KCNH8: variants seen among roughly 807,000 people sequenced by gnomAD.
KCNH8 encodes the protein potassium voltage-gated channel subfamily H member 8, also known as voltage-gated delayed rectifier potassium channel KCNH8.
A neutral mutation model predicts 103.6 loss-of-function variants in KCNH8; 70 were observed. The observed-to-expected ratio is 0.68, with a 90% CI of 0.56 to 0.82. KCNH8 has a LOEUF of 0.82. Among genes scored for constraint, KCNH8 ranks in the 40% least tolerant of loss-of-function variants. KCNH8 has a pLI of 0.00. For missense variants in KCNH8, 1,217 were observed against 1,329.9 expected (o/e 0.92, Z 1.32); for synonymous variants, 498 against 489.4 (o/e 1.02, Z -0.23).
intron 7 of KCNH8, among the ~76,000 whole-genome samples, chr3:19,405,633 C>G (rs1899394): frequency 0.19 from 28,277 of 151,684 alleles, 3,026 homozygotes; most frequent in East Asian, 0.33. Context: ...TGATATACCA[C>G]AGAACTTTAT....
chr3:19,181,142 T>C (rs1179160660), intron 1 of KCNH8, among the ~76,000 whole-genome samples: 1 of 152,182 alleles, frequency 6.6e-6, no homozygotes, highest in South Asian at 2.1e-4. Flanking sequence ...TTTTTAGTCA[T>C]ACTGATACTG....
At chr3:19,228,287 G>A (rs74845448) in intron 1 of KCNH8, among the ~76,000 whole-genome samples, 1 of 152,076 alleles carries the variant, frequency 6.6e-6, no homozygotes, top group Non-Finnish European at 1.5e-5. Context: ...GAGTATTTGT[G>A]ACAGACTATA....
chr3:19,361,385 A>G (rs961516765), intron 5 of KCNH8, among the ~76,000 whole-genome samples: 2 of 152,148 alleles, frequency 1.3e-5, no homozygotes, highest in Non-Finnish European at 2.9e-5. Context: ...AGGCCAGAAC[A>G]TCTCACGTCC....
At chr3:19,289,834 G>T (rs2064891878) in intron 3 of KCNH8, among the ~76,000 whole-genome samples, 1 of 152,050 alleles carries the variant, frequency 6.6e-6, no homozygotes, top group East Asian at 1.9e-4. Flanking sequence ...AATTACCTTG[G>T]GCAGTATGGC....
chr3:19,260,191 A>T (rs1362463977), intron 2 of KCNH8, among the ~76,000 whole-genome samples: 1 of 151,638 alleles, frequency 6.6e-6, no homozygotes, highest in East Asian at 1.9e-4. Flanking sequence ...ATATGTACAT[A>T]TTCAAATGTA....
chr3:19,510,330 T>C (rs1382524765), intron 11 of KCNH8, 33 bp from the exon 12 acceptor site: 2 of 1,388,128 alleles, frequency 1.4e-6, no homozygotes, highest in South Asian at 1.2e-5. Context: ...CCAGGATATG[T>C]AAAATGATTA....
At chr3:19,531,618 G>C (rs1388545231) in intron 15 of KCNH8, among the ~76,000 whole-genome samples, 1 of 152,150 alleles carries the variant, frequency 6.6e-6, no homozygotes, top group Non-Finnish European at 1.5e-5. Flanking sequence ...CCAAACCATG[G>C]AAAAACCTCC....
chr3:19,261,775 A>T (rs1052261767), intron 2 of KCNH8, among the ~76,000 whole-genome samples: 1 of 151,420 alleles, frequency 6.6e-6, no homozygotes, highest in Non-Finnish European at 1.5e-5. Flanking sequence ...TTTCAGTTGA[A>T]TTTTGTGTAT....
At position 19,214,436 on chromosome 3, in the gene KCNH8, G is replaced by T. The variant is rs528405935; in HGVS notation, c.77-39218G>T. Among the ~76,000 whole-genome samples, 5 of 152,224 alleles carry T rather than the reference G, an allele frequency of 3.3e-5. No individual in the cohort carries two copies. The South Asian group carries it at 1.0e-3, about 32-fold the overall frequency. ...TAGTGGGTGCTGCCTAGCTCAGGAG[G>T]TTAGCCACCTTTTCCTCCTCTCCCA... On this transcript the variant is annotated intron_variant, in intron 1 of 15. Coordinates refer to ENST00000328405, the MANE Select transcript of KCNH8 (RefSeq NM_144633.3).
chr3:19,236,417 A>C (rs1452706259), intron 1 of KCNH8, among the ~76,000 whole-genome samples: 1 of 152,148 alleles, frequency 6.6e-6, no homozygotes, highest in Non-Finnish European at 1.5e-5. Flanking sequence ...CCAGCCTGTT[A>C]ATATGCTTAA....
At chr3:19,518,156 G>C in intron 15 of KCNH8, 82 bp downstream of exon 15, 1 of 1,063,616 alleles carries the variant, frequency 9.4e-7, no homozygotes, top group East Asian at 2.4e-5. Flanking sequence ...GTGTAATATA[G>C]TAGTTACAAG....
At chr3:19,238,731 T>C (rs2064096378) in intron 1 of KCNH8, among the ~76,000 whole-genome samples, 1 of 152,226 alleles carries the variant, frequency 6.6e-6, no homozygotes, top group African/African-American at 2.4e-5. Flanking sequence ...TATGTTGGCA[T>C]ATGTTTATAT....
intron 1 of KCNH8, among the ~76,000 whole-genome samples, chr3:19,205,831 C>T (rs1365861263): frequency 6.6e-6 from 1 of 151,696 alleles, no homozygotes; most frequent in Non-Finnish European, 1.5e-5. Context: ...TTTTTATTTC[C>T]ATAGGTTTTG....
intron 3 of KCNH8, among the ~76,000 whole-genome samples, chr3:19,310,684 AG>A (rs1175418902): frequency 1.6e-5 from 1 of 61,552 alleles, no homozygotes; most frequent in Non-Finnish European, 3.4e-5. Flanking sequence ...TTGAGTTCAA[AG>A]GGGTGAGTGT....
intron 1 of KCNH8, among the ~76,000 whole-genome samples, chr3:19,241,049 G>T (rs907718132): frequency 4.6e-5 from 7 of 151,870 alleles, no homozygotes; most frequent in Admixed American, 2.0e-4. Context: ...AGAAATTTAG[G>T]GTTTGAGATA....
chr3:19,200,747 G>C (rs762863272), intron 1 of KCNH8, among the ~76,000 whole-genome samples: 32 of 151,892 alleles, frequency 2.1e-4, no homozygotes, highest in Non-Finnish European at 4.3e-4. Context: ...ATCAAACTTT[G>C]ATCAAACTTT....
At chr3:19,210,812 G>A (rs1276177867) in intron 1 of KCNH8, among the ~76,000 whole-genome samples, 1 of 152,140 alleles carries the variant, frequency 6.6e-6, no homozygotes, top group African/African-American at 2.4e-5. Context: ...TACAAAGTAG[G>A]TTCCTCTGAC....
At chr3:19,492,830 CGTGTGTGTGTGTGTGTGTGTGTGTGTGT>C (rs67383228) in intron 11 of KCNH8, among the ~76,000 whole-genome samples, 75 of 123,508 alleles carry the variant, frequency 6.1e-4, no homozygotes, top group African/African-American at 1.7e-3. Flanking sequence ...AATGTTTTTT[CGTGTGTGTGTGTGTGTGTGTGTGTGTGT>C]GTGTGTGTGT....
At chr3:19,173,702 C>T (rs933736044) in intron 1 of KCNH8, among the ~76,000 whole-genome samples, 2 of 152,056 alleles carry the variant, frequency 1.3e-5, no homozygotes, top group Admixed American at 1.3e-4. Flanking sequence ...ACAAGCTACT[C>T]ATAATTTATT....
Sources: allele counts gnomAD v4.1 joint callset (sites outside exome capture counted in the v4.1 genomes callset), GRCh38; gene constraint gnomAD v4.1.1; transcripts MANE v1.5; gene names NCBI Gene and HGNC (gene_info 2026-07-23, HGNC 2026-07-21).